Variants in MACROH2A2 observed in about 807,000 individuals in gnomAD.
MACROH2A2 encodes macroH2A.2 histone, also known as core histone macro-H2A.2.
In MACROH2A2, 6 loss-of-function variants were observed where a neutral mutation model predicts 37.6. The observed-to-expected ratio is 0.16, with a 90% CI of 0.09 to 0.32. The LOEUF is 0.32. MACROH2A2 is among the 10% of genes least tolerant of loss of function. The pLI is 1.00. For missense variants in MACROH2A2, 290 were observed against 485.9 expected, an observed-to-expected ratio of 0.60 and a Z score of 3.79; for synonymous variants, 192 against 202.7, an observed-to-expected ratio of 0.95 and a Z score of 0.45.
intron 2 of MACROH2A2, among the ~76,000 whole-genome samples, chr10:70,078,755 T>C (rs554625062): frequency 6.6e-6 from 1 of 152,394 alleles, no homozygotes; most frequent in East Asian, 1.9e-4. Flanking sequence ...TGAATTTGCA[T>C]TTTAATGAGA....
intron 6 of MACROH2A2, among the ~76,000 whole-genome samples, chr10:70,096,559 C>T (rs918963249): frequency 6.6e-6 from 1 of 152,068 alleles, no homozygotes; most frequent in African/African-American, 2.4e-5. Flanking sequence ...CTGTTAATAG[C>T]CAGGGTGGAG....
chr10:70,063,237 G>C (rs1314249177), intron 1 of MACROH2A2, among the ~76,000 whole-genome samples: 3 of 152,166 alleles, frequency 2.0e-5, no homozygotes, highest in African/African-American at 4.8e-5. Context: ...TTTGTCTTTT[G>C]ATGAAGGCCA....
At chr10:70,060,203 C>T (rs1403688642) in intron 1 of MACROH2A2, among the ~76,000 whole-genome samples, 1 of 151,876 alleles carries the variant, frequency 6.6e-6, no homozygotes, top group African/African-American at 2.4e-5. Flanking sequence ...AAACCCATCT[C>T]TACTAAAAAC....
intron 7 of MACROH2A2, among the ~76,000 whole-genome samples, chr10:70,101,345 T>C (rs2072305806): frequency 6.6e-6 from 1 of 152,196 alleles, no homozygotes; most frequent in African/African-American, 2.4e-5. Flanking sequence ...TAACTCAAGA[T>C]ACAATCGATC....
intron 1 of MACROH2A2, among the ~76,000 whole-genome samples, chr10:70,067,727 A>G (rs1376980700): frequency 6.6e-6 from 1 of 152,210 alleles, no homozygotes. Context: ...GGGAAAGATT[A>G]GGGCGCTCAT....
chr10:70,104,448 G>A (rs577427254), intron 7 of MACROH2A2, among the ~76,000 whole-genome samples: 9 of 151,956 alleles, frequency 5.9e-5, no homozygotes, highest in African/African-American at 1.9e-4. Context: ...AGGCAGAGGC[G>A]GGTGGCTCAC....
In MACROH2A2 at chr10:70,075,444, C is replaced by T. The variant is rs2072134162; in HGVS notation, c.-59-156C>T. 6.6e-6 allele frequency among the ~76,000 whole-genome samples: 1 copy of T among 152,298 alleles called. No homozygotes were observed. Among genetic ancestry groups the T allele is most frequent in the East Asian group, 1.9e-4 (1 of 5,178 alleles). Reference sequence around the variant, plus strand: ...GCCCATGCCCTTCAGAGACCCCATGCCTGACTCCGTGCCTCCTGCACCTGC... The same window carrying T: ...GCCCATGCCCTTCAGAGACCCCATGTCTGACTCCGTGCCTCCTGCACCTGC... On this transcript the variant is annotated intron_variant, in intron 1 of 8. Coordinates refer to ENST00000373255, the MANE Select transcript of MACROH2A2 (RefSeq NM_018649.3). This position sits in a 1 kb window ranked among gnomAD's most constrained non-coding sequence, Gnocchi z 5.0.
intron 1 of MACROH2A2, among the ~76,000 whole-genome samples, chr10:70,071,986 C>G (rs1283548641): frequency 6.6e-6 from 1 of 152,068 alleles, no homozygotes; most frequent in Non-Finnish European, 1.5e-5. Context: ...GAATATTTTC[C>G]TTAATAATAA....
Position 70,091,825 on chromosome 10 carries a change from A to T in MACROH2A2, c.348A>T (p.Lys116Asn), listed in dbSNP as rs1251507769. The T allele has an allele frequency of 6.2e-7, 1 of 1,614,032 alleles. No individual in the cohort carries two copies. Among genetic ancestry groups the T allele is most frequent in the East Asian group, 2.2e-5 (1 of 44,888 alleles). Reference sequence around the variant, plus strand: ...GAATTCACCCCGAACTGCTGGCCAAAAAGCGAGGGACCAAAGGCAAGTCGG... The same window carrying T: ...GAATTCACCCCGAACTGCTGGCCAATAAGCGAGGGACCAAAGGCAAGTCGG... ...LPRIHPELLA[K>N]KRGTKGKSET... Residue 116 changes from lysine to asparagine, a missense_variant, in exon 4 of 9, where the codon AAA (lysine) becomes AAT (asparagine). Physicochemically the swap from Lys to Asn is moderately conservative, Grantham distance 94. This residue lies in a region of MACROH2A2 where 83 missense variants were observed against 159.9 expected (regional missense o/e 0.52). Transcript: ENST00000373255.
intron 7 of MACROH2A2, among the ~76,000 whole-genome samples, chr10:70,104,237 A>G (rs1450746483): frequency 6.6e-6 from 1 of 152,216 alleles, no homozygotes; most frequent in African/African-American, 2.4e-5. Context: ...TTTCCAAAAT[A>G]AAGTGTCTAA....
At chr10:70,104,646 G>T (rs1042490549) in intron 7 of MACROH2A2, among the ~76,000 whole-genome samples, 1 of 152,196 alleles carries the variant, frequency 6.6e-6, no homozygotes, top group African/African-American at 2.4e-5. Flanking sequence ...TTGCACTCCA[G>T]CCTGGGTGGC....
chr10:70,090,453 T>A (rs1043056406), intron 3 of MACROH2A2, among the ~76,000 whole-genome samples: 1 of 152,266 alleles, frequency 6.6e-6, no homozygotes, highest in Non-Finnish European at 1.5e-5. Context: ...ACAAATGTTA[T>A]TCTCTTCACT....
At chr10:70,088,313 A>G (rs1195801305) in intron 2 of MACROH2A2, among the ~76,000 whole-genome samples, 1 of 152,070 alleles carries the variant, frequency 6.6e-6, no homozygotes, top group Non-Finnish European at 1.5e-5. Flanking sequence ...CCCCCTCATT[A>G]TCAGTGAGAC....
Position 70,090,142 on chromosome 10 carries a change from T to C in MACROH2A2, c.255T>C (p.Val85=), listed in dbSNP as rs941634856. ...RIAPRHILLA[V]ANDEELNQLL... ...CCCCGAGACACATCTTGCTGGCAGT[T>C]GCCAATGACGAGGAGCTCAACCAGG... Residue 85 remains valine, a synonymous_variant, in exon 3 of 9, where the codon GTT becomes GTC. Transcript: ENST00000373255. 6.2e-7 allele frequency: 1 copy of C among 1,613,148 alleles called. No individual in the cohort carries two copies. Among genetic ancestry groups the C allele is most frequent in the African/African-American group, 1.3e-5 (1 of 75,032 alleles).
chr10:70,066,044 G>C (rs1366508041), intron 1 of MACROH2A2, among the ~76,000 whole-genome samples: 1 of 152,198 alleles, frequency 6.6e-6, no homozygotes, highest in Non-Finnish European at 1.5e-5. Flanking sequence ...GGTGGCTTAT[G>C]CCTTTAATGC....
At chr10:70,059,520 G>A (rs1020843681) in intron 1 of MACROH2A2, among the ~76,000 whole-genome samples, 6 of 151,974 alleles carry the variant, frequency 3.9e-5, no homozygotes, top group South Asian at 2.1e-4. Context: ...ACAGACGTGC[G>A]CCACCACACC....
chr10:70,072,910 T>G (rs2072118785), intron 1 of MACROH2A2, among the ~76,000 whole-genome samples: 1 of 152,086 alleles, frequency 6.6e-6, no homozygotes, highest in African/African-American at 2.4e-5. Context: ...TGAGCCGAGA[T>G]TGCACCACTG....
chr10:70,103,973 GTC>G (rs551765114), intron 7 of MACROH2A2, among the ~76,000 whole-genome samples: 110 of 152,314 alleles, frequency 7.2e-4, no homozygotes, highest in African/African-American at 2.4e-3. Flanking sequence ...GAATACAAAA[GTC>G]TGCACCAAGG....
intron 8 of MACROH2A2, among the ~76,000 whole-genome samples, chr10:70,110,305 AACCTGGGG>A (rs2072362512): frequency 6.6e-6 from 1 of 152,152 alleles, no homozygotes; most frequent in African/African-American, 2.4e-5. Flanking sequence ...AGCTCCCTGG[AACCTGGGG>A]CCTTTAACAA....
Sources: allele counts gnomAD v4.1 joint callset (sites outside exome capture counted in the v4.1 genomes callset), GRCh38; gene constraint gnomAD v4.1.1; regional missense constraint gnomAD v4.1.1; non-coding constraint Gnocchi (gnomAD v3.1); transcripts MANE v1.5; gene names NCBI Gene and HGNC (gene_info 2026-07-23, HGNC 2026-07-21).